Variants in RNF138 observed in about 807,000 individuals in gnomAD.
RNF138 encodes the protein ring finger protein 138, also known as E3 ubiquitin-protein ligase RNF138.
A neutral mutation model predicts 31.0 loss-of-function variants in RNF138; 12 were observed. That is an observed-to-expected ratio of 0.39 (90% CI 0.25 to 0.63). RNF138 has a LOEUF of 0.63. Ranked by LOEUF, RNF138 falls within the 20% of genes least tolerant of loss-of-function variation. The probability of loss-of-function intolerance (pLI) is 0.52; values close to 1 mark genes in which losing one functional copy is unlikely to be tolerated. For synonymous variants in RNF138, 105 were observed against 99.5 expected (o/e 1.06, Z -0.33); for missense variants, 192 against 300.1 (o/e 0.64, Z 2.66).
At chr18:32,126,258 G>C (rs923875528) in intron 6 of RNF138, among the ~76,000 whole-genome samples, 1 of 152,096 alleles carries the variant, frequency 6.6e-6, no homozygotes, top group Non-Finnish European at 1.5e-5. Flanking sequence ...AAAAACTAAG[G>C]ATACAATTTA....
chr18:32,127,775 T>C (rs1299422012), intron 7 of RNF138, among the ~76,000 whole-genome samples: 1 of 152,234 alleles, frequency 6.6e-6, no homozygotes, highest in Non-Finnish European at 1.5e-5. Context: ...TGTTTTATCT[T>C]GCCATAGAAA....
chr18:32,114,933 A>C (rs2040190771), intron 4 of RNF138, among the ~76,000 whole-genome samples: 1 of 152,144 alleles, frequency 6.6e-6, no homozygotes, highest in Non-Finnish European at 1.5e-5. Context: ...CTGATTGCCT[A>C]GTCTGAAAAA....
At chr18:32,102,871 TC>T (rs940560784) in intron 2 of RNF138, among the ~76,000 whole-genome samples, 2 of 152,104 alleles carry the variant, frequency 1.3e-5, no homozygotes, top group African/African-American at 4.8e-5. Flanking sequence ...CCTTAGGTGA[TC>T]CACCTGCCTT....
intron 2 of RNF138, among the ~76,000 whole-genome samples, chr18:32,098,155 T>G (rs1370482622): frequency 6.6e-6 from 1 of 151,828 alleles, no homozygotes; most frequent in Non-Finnish European, 1.5e-5. Context: ...CCCTGCTAAT[T>G]TTTTGTATTT....
intron 4 of RNF138, among the ~76,000 whole-genome samples, chr18:32,117,498 C>A (rs1449896374): frequency 6.6e-6 from 1 of 151,800 alleles, no homozygotes; most frequent in African/African-American, 2.4e-5. Flanking sequence ...TTGCATGCAA[C>A]TGAGTAGAAA....
At chr18:32,125,846 G>GGTGT (rs1295248590) in intron 6 of RNF138, among the ~76,000 whole-genome samples, 1 of 152,132 alleles carries the variant, frequency 6.6e-6, no homozygotes, top group Non-Finnish European at 1.5e-5. Context: ...CACCTAAGAA[G>GGTGT]GTGTACTACC....
At chr18:32,102,195 C>CTTTTTTTTTTTTTTT (rs1167535943) in intron 2 of RNF138, among the ~76,000 whole-genome samples, 4 of 63,812 alleles carry the variant, frequency 6.3e-5, no homozygotes, top group African/African-American at 1.9e-4. Context: ...CTTTTAGTTT[C>CTTTTTTTTTTTTTTT]TTTTTTTTTT....
chr18:32,122,014 G>A (rs141984958), intron 4 of RNF138, among the ~76,000 whole-genome samples: 2 of 151,948 alleles, frequency 1.3e-5, no homozygotes, highest in Admixed American at 6.6e-5. Flanking sequence ...GATTACAGGC[G>A]CCCGTCACCA....
chr18:32,103,954 G>C (rs1033979090), intron 2 of RNF138, among the ~76,000 whole-genome samples: 3 of 149,924 alleles, frequency 2.0e-5, no homozygotes, highest in African/African-American at 4.9e-5. Context: ...GACAGAGCAA[G>C]ACTCCGTCTC....
At chr18:32,092,660 A>T (rs1013017079) in intron 1 of RNF138, 40 bp from the exon 2 acceptor site, 2 of 683,484 alleles carry the variant, frequency 2.9e-6, no homozygotes, top group Non-Finnish European at 5.3e-6. Flanking sequence ...CGCGCGCTGT[A>T]TCCTGATGCG....
chr18:32,100,159 G>C lies in RNF138; in HGVS notation c.110+7273G>C, dbSNP rs1311176938. 3.9e-5 allele frequency among the ~76,000 whole-genome samples: 6 copies of C among 151,912 alleles called. No homozygotes were observed. In the East Asian group the frequency reaches 1.2e-3, roughly 29 times the overall value. ...CCAGGGATATTGTAAAGAGCAAATA[G>C]ATAGGATCCCTGCCCTCTTGGAGCT... On this transcript the variant is annotated intron_variant, in intron 2 of 7. Coordinates refer to ENST00000261593, the MANE Select transcript of RNF138 (RefSeq NM_016271.5).
At chr18:32,114,155 T>C (rs75357756) in intron 4 of RNF138, among the ~76,000 whole-genome samples, 1 of 152,196 alleles carries the variant, frequency 6.6e-6, no homozygotes, top group Non-Finnish European at 1.5e-5. Context: ...TTACTGATTT[T>C]GCAACTGAAA....
At chr18:32,121,059 CAGG>C (rs1490125941) in intron 4 of RNF138, among the ~76,000 whole-genome samples, 4 of 150,820 alleles carry the variant, frequency 2.7e-5, no homozygotes, top group African/African-American at 9.8e-5. Context: ...CACTTGAACC[CAGG>C]AGGAGGAGTT....
chr18:32,126,612 C>G (rs1305869292), intron 6 of RNF138, 81 bp from the exon 7 acceptor site: 3 of 837,768 alleles, frequency 3.6e-6, no homozygotes, highest in Non-Finnish European at 5.7e-6. Context: ...TAACATATCC[C>G]TGTGTTATTT....
chr18:32,103,168 G>A (rs749732969), intron 2 of RNF138, among the ~76,000 whole-genome samples: 3 of 151,820 alleles, frequency 2.0e-5, no homozygotes, highest in Non-Finnish European at 4.4e-5. Context: ...AATTCATTCA[G>A]CATTTGTTTA....
intron 5 of RNF138, 52 bp downstream of exon 5, chr18:32,123,626 C>A: frequency 3.1e-5 from 32 of 1,048,510 alleles, no homozygotes; most frequent in Non-Finnish European, 4.0e-5. Flanking sequence ...ATATTTATCA[C>A]TTATCAAATA....
intron 2 of RNF138, among the ~76,000 whole-genome samples, chr18:32,108,582 A>G (rs987101935): frequency 6.6e-6 from 1 of 152,126 alleles, no homozygotes; most frequent in South Asian, 2.1e-4. Flanking sequence ...TGGCGGACCT[A>G]TGTATAGTTT....
At chr18:32,110,350 T>A (rs112049552) in intron 2 of RNF138, among the ~76,000 whole-genome samples, 1 of 152,208 alleles carries the variant, frequency 6.6e-6, no homozygotes, top group Admixed American at 6.5e-5. Flanking sequence ...TTTAATGATA[T>A]TAACTACTAT....
In RNF138 at chr18:32,126,807, G is replaced by T. The variant is rs373074195; in HGVS notation, c.669+7G>T. The T allele has an allele frequency of 2.5e-5, 36 of 1,453,698 alleles. No homozygotes were observed. The African/African-American group carries it at 4.3e-4, about 17-fold the overall frequency. 90.0% of individuals were successfully genotyped at this position (1,453,698 alleles called of 1,614,324 possible). ...TGATTATGGAGAATTTGTGGTAAGT[G>T]AATTCTTCAAGATTAAGAAAGTACT... is the stretch of plus-strand genomic sequence containing the variant. On this transcript the variant is annotated splice_region_variant and intron_variant, in intron 7 of 7. Coordinates refer to ENST00000261593, the MANE Select transcript of RNF138 (RefSeq NM_016271.5).
Sources: allele counts gnomAD v4.1 joint callset (sites outside exome capture counted in the v4.1 genomes callset), GRCh38; gene constraint gnomAD v4.1.1; transcripts MANE v1.5; gene names NCBI Gene and HGNC (gene_info 2026-07-23, HGNC 2026-07-21).